Variants in PLCXD3 observed in about 807,000 individuals in gnomAD.
PLCXD3 encodes phosphatidylinositol specific phospholipase C X domain containing 3.
Under a neutral mutation model 25.5 loss-of-function variants are expected in PLCXD3, and 19 were observed. That is an observed-to-expected ratio of 0.75 (90% CI 0.52 to 1.09). The LOEUF is 1.09. Among genes scored for constraint, PLCXD3 ranks in the 50% least tolerant of loss-of-function variants. PLCXD3 has a pLI of 0.00. For missense variants in PLCXD3, 411 were observed against 388.1 expected, an observed-to-expected ratio of 1.06 and a Z score of -0.50; for synonymous variants, 174 against 137.6, an observed-to-expected ratio of 1.26 and a Z score of -1.85.
At chr5:41,381,088 A>AT (rs1207517609) in intron 2 of PLCXD3, among the ~76,000 whole-genome samples, 1 of 152,142 alleles carries the variant, frequency 6.6e-6, no homozygotes, top group African/African-American at 2.4e-5. Context: ...CTTAAGAAAA[A>AT]TATATCACTT....
chr5:41,430,432 A>G (rs981794821), intron 1 of PLCXD3, among the ~76,000 whole-genome samples: 3 of 152,208 alleles, frequency 2.0e-5, no homozygotes, highest in African/African-American at 7.2e-5. Flanking sequence ...ATGAAACAGC[A>G]CTAATTCAAT....
chr5:41,493,451 G>A (rs1748754304), intron 1 of PLCXD3, among the ~76,000 whole-genome samples: 1 of 152,236 alleles, frequency 6.6e-6, no homozygotes. Context: ...GAGAACCACT[G>A]CTCTCTTCAA....
intron 1 of PLCXD3, among the ~76,000 whole-genome samples, chr5:41,429,541 T>C (rs903591835): frequency 3.3e-5 from 5 of 152,158 alleles, no homozygotes; most frequent in Admixed American, 6.5e-5. Flanking sequence ...ATTTGTGTCT[T>C]ATAGGACTGG....
intron 1 of PLCXD3, among the ~76,000 whole-genome samples, chr5:41,483,403 G>A (rs893485056): frequency 6.6e-6 from 1 of 152,166 alleles, no homozygotes; most frequent in Non-Finnish European, 1.5e-5. Context: ...TTAACCAGAA[G>A]GGTGAGATTT....
At chr5:41,330,922 A>G (rs1204711030) in intron 2 of PLCXD3, among the ~76,000 whole-genome samples, 2 of 152,202 alleles carry the variant, frequency 1.3e-5, no homozygotes, top group South Asian at 4.1e-4. Context: ...CTCTCAATAA[A>G]TTAGGTATTG....
chr5:41,438,072 G>T (rs1282617922), intron 1 of PLCXD3, among the ~76,000 whole-genome samples: 1 of 152,082 alleles, frequency 6.6e-6, no homozygotes, highest in Non-Finnish European at 1.5e-5. Flanking sequence ...CTGGGCTTTG[G>T]TTTGTTCTGC....
chr5:41,366,417 G>T (rs1220953828), intron 2 of PLCXD3, among the ~76,000 whole-genome samples: 2 of 152,190 alleles, frequency 1.3e-5, no homozygotes, highest in East Asian at 3.8e-4. Flanking sequence ...ACCACATGGG[G>T]TATCTGAGCA....
chr5:41,473,759 A>G (rs1184667739), intron 1 of PLCXD3, among the ~76,000 whole-genome samples: 4 of 152,162 alleles, frequency 2.6e-5, no homozygotes, highest in African/African-American at 4.8e-5. Flanking sequence ...CCCAGCCGCC[A>G]TTAGTTTTTA....
At chr5:41,483,727 C>T (rs961493743) in intron 1 of PLCXD3, among the ~76,000 whole-genome samples, 3 of 151,984 alleles carry the variant, frequency 2.0e-5, no homozygotes, top group Non-Finnish European at 4.4e-5. Context: ...TGTATATTTA[C>T]AACTATTAAA....
intron 2 of PLCXD3, among the ~76,000 whole-genome samples, chr5:41,320,995 C>A (rs1327116667): frequency 6.6e-6 from 1 of 152,140 alleles, no homozygotes; most frequent in Non-Finnish European, 1.5e-5. Flanking sequence ...TAGTATCATA[C>A]TGAATGAGGA....
chr5:41,372,298 TCACACA>T (rs71608605), intron 2 of PLCXD3, among the ~76,000 whole-genome samples: 1,483 of 110,710 alleles, frequency 0.013, 20 homozygotes, highest in East Asian at 0.04. Context: ...TCTCTCTCTC[TCACACA>T]CACACACACA....
At chr5:41,396,751 A>G (rs1359295283) in intron 1 of PLCXD3, among the ~76,000 whole-genome samples, 2 of 152,252 alleles carry the variant, frequency 1.3e-5, no homozygotes, top group African/African-American at 4.8e-5. Context: ...GTGGTCTCAG[A>G]TGGAGATGAG....
chr5:41,492,734 C>G (rs1393727822), intron 1 of PLCXD3, among the ~76,000 whole-genome samples: 5 of 152,248 alleles, frequency 3.3e-5, no homozygotes, highest in African/African-American at 9.6e-5. Flanking sequence ...AGCTCCTGAG[C>G]CTTCTGCATT....
At chr5:41,448,701 C>G (rs910781606) in intron 1 of PLCXD3, among the ~76,000 whole-genome samples, 1 of 152,076 alleles carries the variant, frequency 6.6e-6, no homozygotes, top group Non-Finnish European at 1.5e-5. Flanking sequence ...TCTTTTTTCA[C>G]CAAGTAACAA....
At chr5:41,477,390 A>G (rs1256802690) in intron 1 of PLCXD3, among the ~76,000 whole-genome samples, 1 of 152,188 alleles carries the variant, frequency 6.6e-6, no homozygotes, top group Admixed American at 6.5e-5. Flanking sequence ...GAATCAGAAG[A>G]CTTAGATCCT....
intron 1 of PLCXD3, among the ~76,000 whole-genome samples, chr5:41,448,465 ATAGAAT>A (rs1207989753): frequency 1.3e-5 from 2 of 152,254 alleles, no homozygotes; most frequent in East Asian, 1.9e-4. Flanking sequence ...AAGAAAATTG[ATAGAAT>A]TAGAGAGCAA....
intron 2 of PLCXD3, among the ~76,000 whole-genome samples, chr5:41,354,032 C>T (rs189890548): frequency 0.011 from 1,600 of 152,146 alleles, 42 homozygotes; most frequent in African/African-American, 0.036. Flanking sequence ...AGACTTTTTT[C>T]TATTTTCTTC....
At chr5:41,501,193 C>T (rs1748942848) in intron 1 of PLCXD3, among the ~76,000 whole-genome samples, 1 of 152,018 alleles carries the variant, frequency 6.6e-6, no homozygotes, top group African/African-American at 2.4e-5. Flanking sequence ...ATCCAACAGT[C>T]CCACTTTGGG....
intron 1 of PLCXD3, among the ~76,000 whole-genome samples, chr5:41,403,394 A>ATTTGTTTTTTTTTTTTTT: frequency 6.4e-5 from 1 of 15,736 alleles, no homozygotes; most frequent in East Asian, 4.4e-4. Context: ...AGATTGACTT[A>ATTTGTTTTTTTTTTTTTT]TTTGTTGTTT....
Sources: gnomAD v4.1 joint callset for allele counts (sites outside exome capture counted in the v4.1 genomes callset) on GRCh38, gnomAD v4.1.1 for gene constraint, MANE v1.5 for transcripts, NCBI Gene and HGNC (gene_info 2026-07-23, HGNC 2026-07-21) for gene names.